The following SPATS2 variants were observed in gnomAD, a reference collection of about 807,000 sequenced individuals.
SPATS2 encodes the protein spermatogenesis associated serine rich 2.
Under a neutral mutation model 63.7 loss-of-function variants are expected in SPATS2, and 38 were observed. The ratio of observed to expected loss-of-function variants is 0.60; its 90% CI spans 0.46 to 0.78. The LOEUF is 0.78. SPATS2 is among the 30% of genes least tolerant of loss of function. SPATS2 has a pLI of 0.00. For missense variants in SPATS2, 588 were observed against 666.2 expected (o/e 0.88, Z 1.29); for synonymous variants, 207 against 232.9 (o/e 0.89, Z 1.01).
intron 1 of SPATS2, among the ~76,000 whole-genome samples, chr12:49,370,668 T>TA (rs1943981268): frequency 6.6e-6 from 1 of 152,228 alleles, no homozygotes; most frequent in East Asian, 1.9e-4. Flanking sequence ...ATTTATGTTT[T>TA]AGAGACAGGA....
chr12:49,408,105 T>G (rs1483950383), intron 2 of SPATS2, among the ~76,000 whole-genome samples: 2 of 152,242 alleles, frequency 1.3e-5, no homozygotes, highest in Non-Finnish European at 2.9e-5. Flanking sequence ...GTTATTAGAC[T>G]TTAAAATCAA....
chr12:49,435,284 C>G (rs1945255471), intron 2 of SPATS2, among the ~76,000 whole-genome samples: 1 of 151,852 alleles, frequency 6.6e-6, no homozygotes, highest in Non-Finnish European at 1.5e-5. Flanking sequence ...CCTGCCTCAG[C>G]CTTCCAAAGT....
At chr12:49,429,937 C>T (rs1317165488) in intron 2 of SPATS2, among the ~76,000 whole-genome samples, 3 of 147,588 alleles carry the variant, frequency 2.0e-5, no homozygotes, top group East Asian at 2.0e-4. Context: ...CGCGCCATCA[C>T]GCCCAGCTAA....
chr12:49,424,076 G>A (rs1019522468), intron 2 of SPATS2, among the ~76,000 whole-genome samples: 2 of 152,008 alleles, frequency 1.3e-5, no homozygotes, highest in Admixed American at 1.3e-4. Context: ...GGTGGTATGC[G>A]CCTGTAATCC....
chr12:49,501,920 G>T (rs1019800286), intron 9 of SPATS2, among the ~76,000 whole-genome samples: 18 of 152,008 alleles, frequency 1.2e-4, no homozygotes, highest in African/African-American at 4.3e-4. Context: ...TGCCCAGCTG[G>T]TGTTAACAGA....
chr12:49,462,447 C>G, intron 3 of SPATS2: 1 of 702,182 alleles, frequency 1.4e-6, no homozygotes, highest in Middle Eastern at 2.4e-4. Flanking sequence ...GCTCTTCTGG[C>G]TCTGCCATTT....
chr12:49,389,318 G>C (rs921138530), intron 2 of SPATS2, among the ~76,000 whole-genome samples: 5 of 152,168 alleles, frequency 3.3e-5, no homozygotes, highest in African/African-American at 7.2e-5. Context: ...CCCCGCCGGT[G>C]GTGGGGCTAA....
At chr12:49,463,022 A>G (rs1419472254) in intron 3 of SPATS2, 2 of 152,378 alleles carry the variant, frequency 1.3e-5, no homozygotes, top group Non-Finnish European at 2.9e-5. Context: ...TTCTGCCTAG[A>G]ATTTCTCTGC....
At chr12:49,415,250 G>C (rs1021475345) in intron 2 of SPATS2, among the ~76,000 whole-genome samples, 1 of 151,790 alleles carries the variant, frequency 6.6e-6, no homozygotes, top group Non-Finnish European at 1.5e-5. Context: ...TCACCATATT[G>C]GTCAGGCTGG....
At chr12:49,479,474 CAA>C (rs1946171024) in intron 3 of SPATS2, among the ~76,000 whole-genome samples, 1 of 152,230 alleles carries the variant, frequency 6.6e-6, no homozygotes, top group Non-Finnish European at 1.5e-5. Flanking sequence ...CCTGTGGCCT[CAA>C]GAGTACACGG....
intron 1 of SPATS2, among the ~76,000 whole-genome samples, chr12:49,368,548 G>A (rs548401038): frequency 6.6e-6 from 1 of 152,348 alleles, no homozygotes; most frequent in South Asian, 2.1e-4. Context: ...ATTTCTCACT[G>A]AGAAATGTTC....
At chr12:49,500,799 C>T (rs1288483210) in intron 9 of SPATS2, among the ~76,000 whole-genome samples, 1 of 151,788 alleles carries the variant, frequency 6.6e-6, no homozygotes, top group Non-Finnish European at 1.5e-5. Context: ...AAAAAAGTCT[C>T]CTTTTAAACT....
chr12:49,377,939 T>C (rs895588863), intron 2 of SPATS2, among the ~76,000 whole-genome samples: 30 of 152,266 alleles, frequency 2.0e-4, no homozygotes, highest in African/African-American at 7.0e-4. Context: ...AATCCTACTA[T>C]AGAGTTGTCA....
At position 49,367,519 on chromosome 12, in the gene SPATS2, G is replaced by A. The variant is rs934798756; in HGVS notation, c.-375G>A. 8 of 398,820 alleles carry A rather than the reference G, an allele frequency of 2.0e-5. No individual in the cohort carries two copies. The Admixed American group carries it at 3.1e-4, about 15-fold the overall frequency. 24.7% of individuals were successfully genotyped at this position (398,820 alleles called of 1,614,324 possible). A position where few individuals can be genotyped will look rare whatever the true frequency, so the allele number is the denominator to read the frequency against. ...TGGAGGATCTCCTTTCCTCTTCTCA[G>A]ACCCGGGAGCGTCCGGGACGCGGAG... On this transcript the variant is annotated 5_prime_UTR_variant, in exon 1 of 14. Coordinates refer to ENST00000552918, the MANE Select transcript of SPATS2 (RefSeq NM_023071.4).
At chr12:49,523,677 C>T (rs960111970) in intron 12 of SPATS2, among the ~76,000 whole-genome samples, 2 of 152,016 alleles carry the variant, frequency 1.3e-5, no homozygotes, top group African/African-American at 4.8e-5. Flanking sequence ...TATTGCCAGG[C>T]GCGGTGGCTC....
intron 3 of SPATS2, among the ~76,000 whole-genome samples, chr12:49,481,366 A>T (rs1049336974): frequency 2.0e-5 from 3 of 152,196 alleles, no homozygotes; most frequent in African/African-American, 7.2e-5. Context: ...GTCTCCAGAA[A>T]AAAAAGAAAG....
At position 49,514,621 on chromosome 12, in the gene SPATS2, G is replaced by GATTGAT; in HGVS notation, c.898+9_898+14dup. On this transcript the variant is annotated intron_variant, in intron 10 of 13. Coordinates refer to ENST00000552918, the MANE Select transcript of SPATS2 (RefSeq NM_023071.4). ...AAGTGAAAGCTGAAGCAAGTAAGAT[G>GATTGAT]ATTGATCTTTAATTAAAGCTATTAC... 1 of 1,612,490 alleles carries GATTGAT rather than the reference G, an allele frequency of 6.2e-7. No homozygotes were observed. The highest frequency in any genetic ancestry group is 8.5e-7 in the Non-Finnish European group (1 of 1,179,206).
rs370720594 is a variant in SPATS2 at position 49,442,262 on chromosome 12, G to A, written c.-243-18508G>A. The stretch of plus-strand genomic sequence containing the variant: ...TACACTTAATAAATGGGACAATGTG[G>A]GAGTCCCTCCTACAATGTGGGATTC... On this transcript the variant is annotated intron_variant, in intron 2 of 13. Coordinates refer to ENST00000552918, the MANE Select transcript of SPATS2 (RefSeq NM_023071.4). Among the ~76,000 whole-genome samples, 27 of 152,134 alleles carry A rather than the reference G, an allele frequency of 1.8e-4. No individual in the cohort carries two copies. In the East Asian group the frequency reaches 5.0e-3, roughly 28 times the overall value.
intron 6 of SPATS2, chr12:49,490,975 C>T: frequency 3.0e-6 from 1 of 327,956 alleles, no homozygotes; most frequent in Non-Finnish European, 5.6e-6. Flanking sequence ...AGTCCCGTCT[C>T]TACTAAAAAA....
Sources: gnomAD v4.1 joint callset for allele counts (sites outside exome capture counted in the v4.1 genomes callset) on GRCh38, gnomAD v4.1.1 for gene constraint, MANE v1.5 for transcripts, NCBI Gene and HGNC (gene_info 2026-07-23, HGNC 2026-07-21) for gene names.